Variants in HACE1 observed in about 807,000 individuals in gnomAD.
HACE1 encodes the protein E3 ubiquitin-protein ligase HACE1.
In HACE1, 73 loss-of-function variants were observed where a neutral mutation model predicts 118.4. The ratio of observed to expected loss-of-function variants is 0.62; its 90% CI spans 0.51 to 0.75. The LOEUF is 0.75. Among genes scored for constraint, HACE1 ranks in the 30% least tolerant of loss-of-function variants. HACE1 has a pLI of 0.00. For synonymous variants in HACE1, 368 were observed against 374.8 expected (o/e 0.98, Z 0.21); for missense variants, 749 against 1,102.2 (o/e 0.68, Z 4.54).
chr6:104,838,451 T>C (rs1582721081), intron 5 of HACE1, among the ~76,000 whole-genome samples: 1 of 152,110 alleles, frequency 6.6e-6, no homozygotes, highest in East Asian at 1.9e-4. Context: ...AGAACACACA[T>C]TGGAGGTAGG....
At chr6:104,733,804 A>G (rs1456661612) in intron 22 of HACE1, among the ~76,000 whole-genome samples, 2 of 149,518 alleles carry the variant, frequency 1.3e-5, no homozygotes, top group African/African-American at 5.0e-5. Flanking sequence ...CAACCACTGC[A>G]CTCCAGCCTG....
intron 6 of HACE1, among the ~76,000 whole-genome samples, chr6:104,819,348 A>T (rs1224663383): frequency 6.6e-6 from 1 of 152,186 alleles, no homozygotes; most frequent in African/African-American, 2.4e-5. Context: ...AAAGATCTCT[A>T]CAAGGAGAAC....
chr6:104,749,118 G>GT (rs1344641773), intron 20 of HACE1, among the ~76,000 whole-genome samples: 2 of 152,022 alleles, frequency 1.3e-5, no homozygotes, highest in East Asian at 3.9e-4. Context: ...GTTGCTATTT[G>GT]TTTTTTACAT....
intron 7 of HACE1, among the ~76,000 whole-genome samples, chr6:104,801,413 T>C (rs1306836427): frequency 6.6e-6 from 1 of 151,958 alleles, no homozygotes; most frequent in Non-Finnish European, 1.5e-5. Flanking sequence ...GACACATAAC[T>C]GTCAGATTTA....
chr6:104,857,178 C>T (rs930880333), intron 1 of HACE1, among the ~76,000 whole-genome samples: 3 of 146,168 alleles, frequency 2.1e-5, no homozygotes, highest in Non-Finnish European at 3.0e-5. Flanking sequence ...TATTTATTTA[C>T]ATATATATTT....
chr6:104,833,182 C>T lies in HACE1; in HGVS notation c.403-9G>A, dbSNP rs1774179198. On this transcript the variant is annotated splice_polypyrimidine_tract_variant and intron_variant, in intron 5 of 23. Transcript: ENST00000262903. ...ACAGCCAGCCAATGTATCTGTGAAG[C>T]CATTTAGTTACTTAACATTTGTGTA... 1.2e-6 allele frequency: 2 copies of T among 1,611,390 alleles called. No homozygotes were observed. The highest frequency in any genetic ancestry group is 8.5e-7 in the Non-Finnish European group (1 of 1,177,650).
intron 7 of HACE1, 50 bp downstream of exon 7, chr6:104,811,247 CATATATATATATAT>C (rs3995559): frequency 2.9e-5 from 6 of 208,512 alleles, no homozygotes; most frequent in Non-Finnish European, 4.4e-5. Context: ...TTTATTTATA[CATATATATATATAT>C]ATATATATAT....
intron 11 of HACE1, 81 bp from the exon 12 acceptor site, chr6:104,785,400 A>G (rs1265291097): frequency 2.5e-6 from 2 of 801,812 alleles, no homozygotes; most frequent in Non-Finnish European, 4.1e-6. Flanking sequence ...CAACTAGACA[A>G]ATATTATAGA....
At chr6:104,763,683 C>G (rs1425440048) in intron 19 of HACE1, among the ~76,000 whole-genome samples, 2 of 152,062 alleles carry the variant, frequency 1.3e-5, no homozygotes, top group Admixed American at 6.5e-5. Context: ...ACCAGAATAT[C>G]TGTGCCAGCT....
intron 14 of HACE1, chr6:104,780,335 G>A (rs758430306): frequency 4.4e-6 from 2 of 450,088 alleles, no homozygotes; most frequent in South Asian, 3.2e-5. Flanking sequence ...ATTTTTGTAT[G>A]TAAACTTTCT....
intron 5 of HACE1, among the ~76,000 whole-genome samples, chr6:104,842,108 T>C (rs2115159552): frequency 6.6e-6 from 1 of 152,278 alleles, no homozygotes; most frequent in Non-Finnish European, 1.5e-5. Flanking sequence ...AGTTCAAGAC[T>C]AGCCTGGGCA....
At chr6:104,801,568 T>G (rs981517311) in intron 7 of HACE1, among the ~76,000 whole-genome samples, 3 of 152,160 alleles carry the variant, frequency 2.0e-5, no homozygotes, top group African/African-American at 7.2e-5. Context: ...TATTTGACAT[T>G]CTTAAAGAAA....
At chr6:104,791,741 C>A in intron 10 of HACE1, 87 bp from the exon 11 acceptor site, 1 of 827,850 alleles carries the variant, frequency 1.2e-6, no homozygotes, top group Non-Finnish European at 2.0e-6. Flanking sequence ...TCCCACTGAC[C>A]ATCTGTTTCA....
chr6:104,733,892 C>T (rs1187051751), intron 22 of HACE1, among the ~76,000 whole-genome samples: 7 of 151,294 alleles, frequency 4.6e-5, no homozygotes, highest in African/African-American at 1.7e-4. Flanking sequence ...GTGATTCGCG[C>T]CTGTAATCCC....
chr6:104,807,770 T>A (rs1463902432), intron 7 of HACE1, among the ~76,000 whole-genome samples: 3 of 152,188 alleles, frequency 2.0e-5, no homozygotes, highest in African/African-American at 7.2e-5. Context: ...GTTATATAGT[T>A]TACATGAGTT....
At chr6:104,785,478 A>G in intron 11 of HACE1, 159 bp from the exon 12 acceptor site, 2 of 605,168 alleles carry the variant, frequency 3.3e-6, no homozygotes, top group Non-Finnish European at 5.8e-6. Context: ...AAAGGTAAGT[A>G]ATAAAATTAT....
chr6:104,776,872 T>A, intron 16 of HACE1, 44 bp from the exon 17 acceptor site: 1 of 1,445,494 alleles, frequency 6.9e-7, no homozygotes, highest in African/African-American at 1.4e-5. Flanking sequence ...AAATATGTTA[T>A]ATTGGGAAAT....
chr6:104,751,748 G>C (rs1778067364), intron 19 of HACE1, among the ~76,000 whole-genome samples: 1 of 151,896 alleles, frequency 6.6e-6, no homozygotes, highest in Non-Finnish European at 1.5e-5. Context: ...TAAACTATTA[G>C]GTTATCATTT....
intron 7 of HACE1, among the ~76,000 whole-genome samples, chr6:104,809,479 T>C (rs1345027560): frequency 1.3e-5 from 2 of 152,138 alleles, no homozygotes; most frequent in Non-Finnish European, 2.9e-5. Flanking sequence ...AAGAGTTGGT[T>C]GCATTTAAGG....
Sources: gnomAD v4.1 joint callset for allele counts (sites outside exome capture counted in the v4.1 genomes callset) on GRCh38, gnomAD v4.1.1 for gene constraint, MANE v1.5 for transcripts, NCBI Gene and HGNC (gene_info 2026-07-23, HGNC 2026-07-21) for gene names.